ZNF304: variants seen among roughly 807,000 people sequenced by gnomAD.
ZNF304 encodes the protein zinc finger protein 304, also known as KRAB-containing zinc finger protein.
ZNF304 carries 7 observed loss-of-function variants against 7.8 expected under a neutral mutation model. The observed-to-expected ratio is 0.90, with a 90% CI of 0.51 to 1.69. The LOEUF is 1.69. Among genes scored for constraint, ZNF304 ranks in the 40% most tolerant of loss-of-function variants. ZNF304 has a pLI of 0.00. For missense variants in ZNF304, 669 were observed against 804.8 expected, an observed-to-expected ratio of 0.83 and a Z score of 2.04; for synonymous variants, 280 against 272.4, an observed-to-expected ratio of 1.03 and a Z score of -0.27.
intron 1 of ZNF304, among the ~76,000 whole-genome samples, chr19:57,353,516 TG>T (rs2088299970): frequency 6.6e-6 from 1 of 152,170 alleles, no homozygotes; most frequent in Non-Finnish European, 1.5e-5. Flanking sequence ...TCTGCACACT[TG>T]CCTGGTTCTG....
At chr19:57,353,963 G>A in intron 2 of ZNF304, 112 bp downstream of exon 2, 2 of 878,120 alleles carry the variant, frequency 2.3e-6, no homozygotes, top group East Asian at 5.5e-5. Flanking sequence ...TGGTAATCTG[G>A]TTAGAGCATT....
At chr19:57,352,787 T>G (rs1349004801) in intron 1 of ZNF304, 2 of 152,250 alleles carry the variant, frequency 1.3e-5, no homozygotes, top group African/African-American at 4.8e-5. Flanking sequence ...GATTGGATTT[T>G]TTGATGCGAA....
At position 57,357,868 on chromosome 19, in the gene ZNF304, A is replaced by C; in HGVS notation, c.*19A>C. On this transcript the variant is annotated 3_prime_UTR_variant, in exon 3 of 3. Transcript: ENST00000282286. Reference sequence around the variant, plus strand: ...TGTTTAACACCAGAAAATTCACACAAGAGAAAGGCCTTATGAATGCAGAAA... The same window carrying C: ...TGTTTAACACCAGAAAATTCACACACGAGAAAGGCCTTATGAATGCAGAAA... 6.4e-7 allele frequency: 1 copy of C among 1,573,286 alleles called. No homozygotes were observed. Among genetic ancestry groups the C allele is most frequent in the Non-Finnish European group, 8.6e-7 (1 of 1,163,276 alleles).
At position 57,351,482 on chromosome 19, in the gene ZNF304, A is replaced by G. The variant is rs764976239; in HGVS notation, c.-183A>G. 4 of 663,858 alleles carry G rather than the reference A, an allele frequency of 6.0e-6. No individual in the cohort carries two copies. The highest frequency in any genetic ancestry group is 1.0e-5 in the Non-Finnish European group (4 of 388,278). The allele number at this position is 663,858 out of a possible 1,614,324, so 41.1% of individuals were successfully genotyped here. A position where few individuals can be genotyped will look rare whatever the true frequency, so the allele number is the denominator to read the frequency against. On this transcript the variant is annotated 5_prime_UTR_variant, in exon 1 of 3. Coordinates refer to ENST00000282286, the MANE Select transcript of ZNF304 (RefSeq NM_020657.4). The surrounding 1 kb of genome is among the most constrained non-coding windows in gnomAD (Gnocchi z 4.1). ...GTCTGCCGGGGCTGGGCTCTTACCG[A>G]GGCCTCCACACACGTCCTCTTGTCC...
At position 57,357,902 on chromosome 19, in the gene ZNF304, T is replaced by C; in HGVS notation, c.*53T>C. 1 of 1,539,538 alleles carries C rather than the reference T, an allele frequency of 6.5e-7. No individual in the cohort carries two copies. The highest frequency in any genetic ancestry group is 8.7e-7 in the Non-Finnish European group (1 of 1,148,128). ...CCTTATGAATGCAGAAAATATGTCA[T>C]CTTGTTCATCCTCATAGGACTCACA... On this transcript the variant is annotated 3_prime_UTR_variant, in exon 3 of 3. Transcript: ENST00000282286.
In ZNF304 at chr19:57,353,753, T is replaced by C; in HGVS notation, c.62T>C (p.Val21Ala). 1 of 1,613,412 alleles carries C rather than the reference T, an allele frequency of 6.2e-7. No individual in the cohort carries two copies. Among genetic ancestry groups the C allele is most frequent in the Non-Finnish European group, 8.5e-7 (1 of 1,179,662 alleles). The part of the protein sequence containing the change: ...QSCVTFEDVF[V>A]YFSREEWELL... ...TGTGTGACCTTCGAGGATGTGTTCG[T>C]GTACTTCTCTCGGGAGGAGTGGGAA... The change falls in exon 2 of 3, where the codon GTG becomes GCG. Residue 21 changes from valine to alanine, a missense_variant. Val to Ala is a moderately conservative substitution (Grantham distance 64). Transcript: ENST00000282286.
In ZNF304 at chr19:57,359,801, C is replaced by T. The variant is rs2088398520; in HGVS notation, c.*1952C>T. 1 of 152,076 alleles carries T rather than the reference C, an allele frequency of 6.6e-6. No individual in the cohort carries two copies. Among genetic ancestry groups the T allele is most frequent in the African/African-American group, 2.4e-5 (1 of 41,398 alleles). The allele number at this position is 152,076 out of a possible 1,614,324, so 9.4% of individuals were successfully genotyped here. A position where few individuals can be genotyped will look rare whatever the true frequency, so the allele number is the denominator to read the frequency against. ...AGTATTTCAGTATTTCATTGTATAC[C>T]ACAATTTTTCTTCTTTGTCAACTTA... On this transcript the variant is annotated 3_prime_UTR_variant, in exon 3 of 3. Coordinates refer to ENST00000282286, the MANE Select transcript of ZNF304 (RefSeq NM_020657.4).
In ZNF304 at chr19:57,351,791, G is replaced by A; in HGVS notation, c.33+94G>A. On this transcript the variant is annotated intron_variant, in intron 1 of 2. Coordinates refer to ENST00000282286, the MANE Select transcript of ZNF304 (RefSeq NM_020657.4). The surrounding 1 kb of genome is among the most constrained non-coding windows in gnomAD (Gnocchi z 4.1). ...CGCACTTCAGGGTGCTCACTCCGTCGCATTATGTGGAGGGGTTCCGCTCCC... is the reference window on the plus strand; with the variant it reads ...CGCACTTCAGGGTGCTCACTCCGTCACATTATGTGGAGGGGTTCCGCTCCC... 7.2e-7 allele frequency: 1 copy of A among 1,394,484 alleles called. No individual in the cohort carries two copies. The highest frequency in any genetic ancestry group is 9.8e-7 in the Non-Finnish European group (1 of 1,019,444). The allele number at this position is 1,394,484 out of a possible 1,614,324, so 86.4% of individuals were successfully genotyped here.
At position 57,351,971 on chromosome 19, in the gene ZNF304, GC is replaced by G. The variant is rs2088280852; in HGVS notation, c.33+276del. ...GGGGGTCAGAGGTAGGCCTGGAATGGCCGCCCGAGGAGCTGGTCCTCTCTTC... is the reference window on the plus strand; with the variant it reads ...GGGGGTCAGAGGTAGGCCTGGAATGGCGCCCGAGGAGCTGGTCCTCTCTTC... On this transcript the variant is annotated intron_variant, in intron 1 of 2. Coordinates refer to ENST00000282286, the MANE Select transcript of ZNF304 (RefSeq NM_020657.4). This position sits in a 1 kb window ranked among gnomAD's most constrained non-coding sequence, Gnocchi z 4.1. The G allele has an allele frequency of 9.4e-6, 4 of 426,400 alleles. No homozygotes were observed. The highest frequency in any genetic ancestry group is 1.7e-5 in the Non-Finnish European group (4 of 239,448). 26.4% of individuals were successfully genotyped at this position (426,400 alleles called of 1,614,324 possible). A position where few individuals can be genotyped will look rare whatever the true frequency, so the allele number is the denominator to read the frequency against.
At chr19:57,353,391 T>C (rs1238520250) in intron 1 of ZNF304, among the ~76,000 whole-genome samples, 1 of 152,070 alleles carries the variant, frequency 6.6e-6, no homozygotes. Context: ...TGGGAGAAGA[T>C]GGAGCTGAAG....
intron 2 of ZNF304, chr19:57,355,490 T>C (rs1207491985): frequency 6.0e-6 from 4 of 670,956 alleles, no homozygotes; most frequent in African/African-American, 1.8e-5. Context: ...AGGCCCATAG[T>C]GATTCTTCAC....
chr19:57,355,468 G>A, intron 2 of ZNF304: 4 of 701,956 alleles, frequency 5.7e-6, no homozygotes, highest in East Asian at 2.5e-5. Context: ...GTTTGTCAGT[G>A]TTTTGTTGCC....
Position 57,357,744 on chromosome 19 carries a change from C to T in ZNF304, c.1875C>T (p.Ser625=). The T allele has an allele frequency of 6.2e-7, 1 of 1,614,246 alleles. No homozygotes were observed. The highest frequency in any genetic ancestry group is 8.5e-7 in the Non-Finnish European group (1 of 1,180,048). Residue 625 remains serine (S), a synonymous_variant, in exon 3 of 3, where the codon AGC becomes AGT. Transcript: ENST00000282286. ...GCAGCGAATGTGGGAAAGCCTATAG[C>T]AGAAGCTCCCATCTTGTTCGTCACC... ...YVCSECGKAY[S]RSSHLVRHQK... is the part of the protein sequence containing the mutation.
Position 57,357,273 on chromosome 19 carries a change from T to C in ZNF304, c.1404T>C (p.Ile468=). The C allele has an allele frequency of 6.2e-7, 1 of 1,614,080 alleles. No homozygotes were observed. Among genetic ancestry groups the C allele is most frequent in the Non-Finnish European group, 8.5e-7 (1 of 1,180,038 alleles). ...CKDTLVQHQI[I]HTGARPYECS... is the part of the protein sequence containing the mutation. ...ACACACTTGTTCAGCACCAGATAAT[T>C]CACACTGGAGCAAGGCCTTATGAGT... The change falls in exon 3 of 3, where the codon ATT becomes ATC. Residue 468 remains isoleucine (I), a synonymous_variant. Coordinates refer to ENST00000282286, the MANE Select transcript of ZNF304 (RefSeq NM_020657.4).
chr19:57,355,435 A>G, intron 2 of ZNF304: 1 of 737,004 alleles, frequency 1.4e-6, no homozygotes, highest in African/African-American at 1.7e-5. Context: ...TTGGGTTCAA[A>G]TCGAACCTTC....
At chr19:57,353,197 G>A (rs966225935) in intron 1 of ZNF304, among the ~76,000 whole-genome samples, 1 of 152,214 alleles carries the variant, frequency 6.6e-6, no homozygotes, top group Non-Finnish European at 1.5e-5. Context: ...GTGTGAAGAC[G>A]CGAGCGCTTC....
In ZNF304 at chr19:57,357,807, C is replaced by T; in HGVS notation, c.1938C>T (p.Asn646=). 6.2e-7 allele frequency: 1 copy of T among 1,610,596 alleles called. No homozygotes were observed. Among genetic ancestry groups the T allele is most frequent in the Non-Finnish European group, 8.5e-7 (1 of 1,178,842 alleles). ...CTGGAGAAAGAGCTCACGAGTGCAA[C>T]AGTTTTGGTGGCCCTTTAGCTGCAT... ...AHTGERAHEC[N]SFGGPLAASL... Residue 646 remains asparagine, a synonymous_variant, in exon 3 of 3, where the codon AAC becomes AAT. Coordinates refer to ENST00000282286, the MANE Select transcript of ZNF304 (RefSeq NM_020657.4).
rs1179150575 is a variant in ZNF304 at position 57,353,628 on chromosome 19, A to G, written c.34-97A>G. The G allele has an allele frequency of 3.4e-6, 5 of 1,461,764 alleles. 1 individual carries two copies. In the South Asian group the frequency reaches 6.2e-5, roughly 18 times the overall value. The allele number at this position is 1,461,764 out of a possible 1,614,324, so 90.5% of individuals were successfully genotyped here. A position where few individuals can be genotyped will look rare whatever the true frequency, so the allele number is the denominator to read the frequency against. On this transcript the variant is annotated intron_variant, in intron 1 of 2. Coordinates refer to ENST00000282286, the MANE Select transcript of ZNF304 (RefSeq NM_020657.4). ...TCTTAGTTGGGAGGCTGGGGAGGCG[A>G]GGGACTAGAGAGTGGGTGTGTGAGT...
In ZNF304 at chr19:57,359,032, A is replaced by G. The variant is rs2088388149; in HGVS notation, c.*1183A>G. The G allele has an allele frequency of 6.6e-6, 1 of 151,928 alleles. No individual in the cohort carries two copies. The highest frequency in any genetic ancestry group is 2.1e-4 in the South Asian group (1 of 4,792). 9.4% of individuals were successfully genotyped at this position (151,928 alleles called of 1,614,324 possible). ...ACAAAAGGAGATTCGAACATTCTAG[A>G]GGGGCATCCACAAGTCTCGGTGCAG... On this transcript the variant is annotated 3_prime_UTR_variant, in exon 3 of 3. Coordinates refer to ENST00000282286, the MANE Select transcript of ZNF304 (RefSeq NM_020657.4).
Sources: allele counts gnomAD v4.1 joint callset (sites outside exome capture counted in the v4.1 genomes callset), GRCh38; gene constraint gnomAD v4.1.1; non-coding constraint Gnocchi (gnomAD v3.1); transcripts MANE v1.5; gene names NCBI Gene and HGNC (gene_info 2026-07-23, HGNC 2026-07-21).